The following IL1RAPL1 variants were observed in gnomAD, a reference collection of about 807,000 sequenced individuals.
The protein encoded by IL1RAPL1 is interleukin 1 receptor accessory protein like 1.
IL1RAPL1 carries 3 observed loss-of-function variants against 48.4 expected under a neutral mutation model. That is an observed-to-expected ratio of 0.06 (90% confidence interval 0.03 to 0.16). The LOEUF is 0.16. Ranked by LOEUF, IL1RAPL1 falls within the 10% of genes least tolerant of loss-of-function variation. IL1RAPL1 has a pLI of 1.00. For missense variants in IL1RAPL1, 349 were observed against 530.6 expected (o/e 0.66, Z 3.36); for synonymous variants, 185 against 187.7 (o/e 0.99, Z 0.12).
intron 6 of IL1RAPL1, among the ~76,000 whole-genome samples, chrX:29,837,462 A>G (rs1183430275): frequency 9.2e-6 from 1 of 108,965 alleles, no homozygotes; most frequent in African/African-American, 3.3e-5. Context: ...TTAGAAACCA[A>G]CATTACCCCA....
At chrX:28,821,976 C>T (rs1936941969) in intron 2 of IL1RAPL1, among the ~76,000 whole-genome samples, 1 of 110,987 alleles carries the variant, frequency 9.0e-6, no homozygotes. Flanking sequence ...AGGTCTCCAG[C>T]TTGATTCCTC....
At chrX:29,758,652 C>T (rs1294051684) in intron 6 of IL1RAPL1, among the ~76,000 whole-genome samples, 2 of 108,436 alleles carry the variant, frequency 1.8e-5, no homozygotes, top group Non-Finnish European at 3.8e-5. Context: ...GCCGAGATCA[C>T]GCCATTGCAC....
intron 4 of IL1RAPL1, among the ~76,000 whole-genome samples, 161 bp from the exon 5 acceptor site, chrX:29,398,994 C>A (rs927202699): frequency 8.9e-6 from 1 of 112,057 alleles, no homozygotes; most frequent in African/African-American, 3.2e-5. Context: ...CAAATTGATT[C>A]CCCAGAGATT....
chrX:29,215,186 A>G (rs1015167920), intron 2 of IL1RAPL1, among the ~76,000 whole-genome samples: 1 of 110,141 alleles, frequency 9.1e-6, no homozygotes, highest in Non-Finnish European at 1.9e-5. Flanking sequence ...CGTCTCTACT[A>G]AAAATACAAA....
At chrX:29,948,898 T>A (rs1446944048) in intron 9 of IL1RAPL1, among the ~76,000 whole-genome samples, 1 of 109,199 alleles carries the variant, frequency 9.2e-6, no homozygotes, top group Non-Finnish European at 1.9e-5. Flanking sequence ...AACTATTCAG[T>A]AAGTGTTTAG....
intron 3 of IL1RAPL1, among the ~76,000 whole-genome samples, chrX:29,373,105 A>T (rs1477218639): frequency 9.0e-6 from 1 of 111,169 alleles, no homozygotes. Context: ...TCTTTCAGCA[A>T]TGTTTTTTAG....
chrX:28,678,620 T>G (rs1001486180), intron 1 of IL1RAPL1, among the ~76,000 whole-genome samples: 4 of 111,560 alleles, frequency 3.6e-5, no homozygotes, highest in Non-Finnish European at 7.5e-5. Flanking sequence ...GAAAGTTTCT[T>G]TTTTCTAATA....
chrX:28,965,793 T>C (rs1924904358), intron 2 of IL1RAPL1, among the ~76,000 whole-genome samples: 1 of 112,159 alleles, frequency 8.9e-6, no homozygotes, highest in African/African-American at 3.2e-5. Context: ...CATGAAATTA[T>C]TTAGTAAAGC....
At chrX:29,122,409 T>TCTCACA (rs60632925) in intron 2 of IL1RAPL1, among the ~76,000 whole-genome samples, 5,618 of 64,406 alleles carry the variant, frequency 0.087, 324 homozygotes, top group Middle Eastern at 0.12. Context: ...TCTCTCTCTC[T>TCTCACA]CACACACACA....
At chrX:29,122,185 G>A (rs747371264) in intron 2 of IL1RAPL1, among the ~76,000 whole-genome samples, 65 of 110,969 alleles carry the variant, frequency 5.9e-4, no homozygotes, top group Non-Finnish European at 1.0e-3. Context: ...AAAAGTCATA[G>A]TTAATTAACA....
intron 1 of IL1RAPL1, among the ~76,000 whole-genome samples, chrX:28,589,035 A>G (rs1384701157): frequency 8.9e-6 from 1 of 111,867 alleles, no homozygotes; most frequent in Non-Finnish European, 1.9e-5. Context: ...ATGTTTAAGC[A>G]TATTCTGCCT....
intron 5 of IL1RAPL1, among the ~76,000 whole-genome samples, chrX:29,611,888 C>T (rs767443732): frequency 9.0e-6 from 1 of 111,112 alleles, no homozygotes; most frequent in East Asian, 2.8e-4. Flanking sequence ...TGCCTGATCT[C>T]CTCTTGGACC....
intron 6 of IL1RAPL1, among the ~76,000 whole-genome samples, chrX:29,680,740 G>C (rs1363414584): frequency 8.9e-6 from 1 of 111,824 alleles, no homozygotes; most frequent in African/African-American, 3.3e-5. Flanking sequence ...AGGGTAGAAT[G>C]ACCCATCCTG....
chrX:29,773,405 A>G (rs1203215908), intron 6 of IL1RAPL1, among the ~76,000 whole-genome samples: 4 of 112,419 alleles, frequency 3.6e-5, no homozygotes, highest in African/African-American at 9.7e-5. Flanking sequence ...TTGAGTTTAT[A>G]TAGTGAGGAT....
intron 3 of IL1RAPL1, among the ~76,000 whole-genome samples, chrX:29,290,236 C>G (rs968280345): frequency 4.5e-5 from 5 of 111,581 alleles, no homozygotes; most frequent in Non-Finnish European, 9.4e-5. Flanking sequence ...AGAGTAGCCC[C>G]GTTCCTCTTA....
chrX:29,763,193 A>G (rs753179689), intron 6 of IL1RAPL1, among the ~76,000 whole-genome samples: 13 of 110,663 alleles, frequency 1.2e-4, no homozygotes, highest in Non-Finnish European at 2.5e-4. Context: ...GTGCGATAGT[A>G]TCAAGTGTAC....
intron 2 of IL1RAPL1, among the ~76,000 whole-genome samples, chrX:29,116,014 A>G: frequency 9.0e-6 from 1 of 111,274 alleles, no homozygotes; most frequent in East Asian, 2.8e-4. Context: ...TAAATTAAGA[A>G]CCTTTATGAA....
At chrX:28,753,422 TC>T (rs1462392214) in intron 1 of IL1RAPL1, among the ~76,000 whole-genome samples, 2 of 112,193 alleles carry the variant, frequency 1.8e-5, no homozygotes, top group African/African-American at 3.2e-5. Context: ...AATAAAAATG[TC>T]ATGCACCCAA....
chrX:29,511,644 A>G (rs1281089508), intron 5 of IL1RAPL1, among the ~76,000 whole-genome samples: 1 of 111,942 alleles, frequency 8.9e-6, no homozygotes, highest in Non-Finnish European at 1.9e-5. Flanking sequence ...AATGTATGCT[A>G]TTAGGCCTAT....
Sources: allele counts gnomAD v4.1 joint callset (sites outside exome capture counted in the v4.1 genomes callset), GRCh38; gene constraint gnomAD v4.1.1; transcripts MANE v1.5; gene names NCBI Gene and HGNC (gene_info 2026-07-23, HGNC 2026-07-21).